Variants in HS3ST4 observed in about 807,000 individuals in gnomAD.
HS3ST4 encodes the protein heparan sulfate glucosamine 3-O-sulfotransferase 4.
HS3ST4 carries 17 observed loss-of-function variants against 29.2 expected under a neutral mutation model. The ratio of observed to expected loss-of-function variants is 0.58; its 90% CI spans 0.40 to 0.87. The LOEUF (loss-of-function observed/expected upper bound fraction) is 0.87, where lower values mean the gene tolerates loss of function less well. Among genes scored for constraint, HS3ST4 ranks in the 40% least tolerant of loss-of-function variants. The probability of loss-of-function intolerance (pLI) is 0.00; values close to 1 mark genes in which losing one functional copy is unlikely to be tolerated. For missense variants in HS3ST4, 627 were observed against 634.5 expected (o/e 0.99, Z 0.13); for synonymous variants, 314 against 285.7 (o/e 1.10, Z -1.00).
chr16:25,752,141 T>C (rs1453253640), intron 1 of HS3ST4, among the ~76,000 whole-genome samples: 1 of 152,306 alleles, frequency 6.6e-6, no homozygotes, highest in South Asian at 2.1e-4. Context: ...AATAAATATG[T>C]CACACAAAGA....
intron 1 of HS3ST4, among the ~76,000 whole-genome samples, chr16:26,046,131 T>C (rs915850629): frequency 6.6e-6 from 1 of 151,266 alleles, no homozygotes; most frequent in Admixed American, 6.6e-5. Context: ...TATTTCCTCA[T>C]GTAAGGACAG....
intron 1 of HS3ST4, among the ~76,000 whole-genome samples, chr16:25,702,471 T>C (rs932681398): frequency 5.4e-4 from 82 of 152,306 alleles, no homozygotes; most frequent in Middle Eastern, 3.4e-3. Flanking sequence ...TAAGGGGCGC[T>C]GGAGAGGACA....
intron 1 of HS3ST4, 61 bp from the exon 2 acceptor site, chr16:26,135,551 A>G: frequency 2.0e-6 from 3 of 1,478,628 alleles, no homozygotes; most frequent in Non-Finnish European, 2.7e-6. Context: ...TTTTGTGCAA[A>G]GAAGTTCAGA....
intron 1 of HS3ST4, among the ~76,000 whole-genome samples, chr16:25,861,067 A>T (rs1042365141): frequency 4.6e-5 from 7 of 152,170 alleles, no homozygotes; most frequent in African/African-American, 1.4e-4. Flanking sequence ...AAACAAATAC[A>T]CAGCAACAAT....
At chr16:25,696,871 C>T (rs1966301682) in intron 1 of HS3ST4, among the ~76,000 whole-genome samples, 1 of 151,986 alleles carries the variant, frequency 6.6e-6, no homozygotes. Context: ...GTGCTACCTA[C>T]AATTATAGAC....
chr16:25,910,975 A>G (rs1968233099), intron 1 of HS3ST4, among the ~76,000 whole-genome samples: 1 of 152,202 alleles, frequency 6.6e-6, no homozygotes, highest in Non-Finnish European at 1.5e-5. Flanking sequence ...GGCTTATCTC[A>G]CCAGAATGGA....
intron 1 of HS3ST4, among the ~76,000 whole-genome samples, chr16:25,931,196 A>G (rs1246299364): frequency 2.6e-5 from 4 of 152,150 alleles, no homozygotes; most frequent in African/African-American, 7.2e-5. Context: ...TGCCTTTGGG[A>G]AGCAGTGAGA....
At chr16:25,881,653 G>C (rs1967897690) in intron 1 of HS3ST4, among the ~76,000 whole-genome samples, 1 of 152,092 alleles carries the variant, frequency 6.6e-6, no homozygotes, top group African/African-American at 2.4e-5. Flanking sequence ...GCTCTTATCA[G>C]AAGGATTTGT....
intron 1 of HS3ST4, among the ~76,000 whole-genome samples, chr16:25,998,540 C>T (rs1969176931): frequency 6.6e-6 from 1 of 152,144 alleles, no homozygotes; most frequent in African/African-American, 2.4e-5. Context: ...TTAGAATTAG[C>T]TCCATCATTG....
intron 1 of HS3ST4, among the ~76,000 whole-genome samples, chr16:25,823,073 T>C (rs781674200): frequency 6.6e-6 from 1 of 152,164 alleles, no homozygotes; most frequent in Non-Finnish European, 1.5e-5. Context: ...TCGTGTTTTC[T>C]TAGAAAGGGA....
chr16:26,135,753 C>G lies in HS3ST4; in HGVS notation c.876C>G (p.Thr292=), dbSNP rs746696755. Residue 292 remains threonine, a synonymous_variant, in exon 2 of 2, where the codon ACC becomes ACG. Coordinates refer to ENST00000331351, the MANE Select transcript of HS3ST4 (RefSeq NM_006040.3). ...TTGTGGTGGTGAGAAACCCCGTGAC[C>G]AGGGCCATCTCTGACTACACGCAGA... ...KLIVVVRNPV[T]RAISDYTQTL... is the part of the protein sequence containing the mutation. 1 of 1,614,102 alleles carries G rather than the reference C, an allele frequency of 6.2e-7. No individual in the cohort carries two copies. Among genetic ancestry groups the G allele is most frequent in the Non-Finnish European group, 8.5e-7 (1 of 1,180,006 alleles).
chr16:26,068,396 T>A (rs1287968247), intron 1 of HS3ST4, among the ~76,000 whole-genome samples: 1 of 152,174 alleles, frequency 6.6e-6, no homozygotes, highest in Non-Finnish European at 1.5e-5. Flanking sequence ...TTAACGTAGA[T>A]CTTAGGATCA....
chr16:25,935,923 A>G (rs2141689784), intron 1 of HS3ST4, among the ~76,000 whole-genome samples: 1 of 152,266 alleles, frequency 6.6e-6, no homozygotes, highest in Non-Finnish European at 1.5e-5. Flanking sequence ...CTTTTTTTTA[A>G]TTTTTGAAAA....
intron 1 of HS3ST4, among the ~76,000 whole-genome samples, chr16:25,890,918 T>C (rs1012613478): frequency 6.6e-6 from 1 of 151,922 alleles, no homozygotes; most frequent in Non-Finnish European, 1.5e-5. Context: ...TTCTGAGCCA[T>C]GATTGGGTCA....
intron 1 of HS3ST4, among the ~76,000 whole-genome samples, chr16:25,823,274 C>T (rs1967181170): frequency 6.6e-6 from 1 of 152,164 alleles, no homozygotes; most frequent in Non-Finnish European, 1.5e-5. Flanking sequence ...TGATTTCCCT[C>T]AGGACTTAGG....
chr16:25,903,300 G>GTA (rs904718695), intron 1 of HS3ST4, among the ~76,000 whole-genome samples: 249 of 19,042 alleles, frequency 0.013, no homozygotes, highest in African/African-American at 0.033. Flanking sequence ...GTGTGTGTGT[G>GTA]TGTATGTATA....
At chr16:25,866,880 GA>G (rs1187392853) in intron 1 of HS3ST4, among the ~76,000 whole-genome samples, 3 of 152,284 alleles carry the variant, frequency 2.0e-5, no homozygotes, top group Non-Finnish European at 2.9e-5. Context: ...TATTACTGAG[GA>G]ATCAGTAAGG....
chr16:25,851,083 A>C (rs961172313), intron 1 of HS3ST4, among the ~76,000 whole-genome samples: 1 of 152,210 alleles, frequency 6.6e-6, no homozygotes, highest in Non-Finnish European at 1.5e-5. Context: ...AAAGTTTTCC[A>C]ATGAAACTGA....
At chr16:26,132,157 T>A (rs944811417) in intron 1 of HS3ST4, among the ~76,000 whole-genome samples, 2 of 152,144 alleles carry the variant, frequency 1.3e-5, no homozygotes, top group East Asian at 1.9e-4. Flanking sequence ...TCCGTTTTGT[T>A]TACTGTTACA....
Sources: allele counts gnomAD v4.1 joint callset (sites outside exome capture counted in the v4.1 genomes callset), GRCh38; gene constraint gnomAD v4.1.1; transcripts MANE v1.5; gene names NCBI Gene and HGNC (gene_info 2026-07-23, HGNC 2026-07-21).